PLCB1: variants seen among roughly 807,000 people sequenced by gnomAD.
PLCB1 encodes 1-phosphatidylinositol 4,5-bisphosphate phosphodiesterase beta-1.
Under a neutral mutation model 161.8 loss-of-function variants are expected in PLCB1, and 46 were observed. The observed-to-expected ratio is 0.28, with a 90% CI of 0.22 to 0.36. The LOEUF is 0.36. Ranked by LOEUF, PLCB1 falls within the 10% of genes least tolerant of loss-of-function variation. The probability of loss-of-function intolerance (pLI) is 1.00; values close to 1 mark genes in which losing one functional copy is unlikely to be tolerated. For synonymous variants in PLCB1, 517 were observed against 503.7 expected (o/e 1.03, Z -0.35); for missense variants, 1,016 against 1,472.5 (o/e 0.69, Z 5.07).
intron 2 of PLCB1, among the ~76,000 whole-genome samples, chr20:8,177,409 A>G (rs917878679): frequency 4.6e-5 from 7 of 152,168 alleles, no homozygotes; most frequent in Admixed American, 1.3e-4. Flanking sequence ...CAGTCTAAGT[A>G]CGGCATTTTG....
chr20:8,728,127 T>C (rs1414328171), intron 17 of PLCB1, among the ~76,000 whole-genome samples: 3 of 152,144 alleles, frequency 2.0e-5, no homozygotes, highest in Non-Finnish European at 4.4e-5. Context: ...TTAGTATTCC[T>C]TATTGACTGT....
intron 2 of PLCB1, among the ~76,000 whole-genome samples, chr20:8,214,375 A>G (rs946924178): frequency 6.6e-6 from 1 of 151,976 alleles, no homozygotes; most frequent in Non-Finnish European, 1.5e-5. Flanking sequence ...CTGCCTATTT[A>G]AAAGTGTGGC....
intron 2 of PLCB1, among the ~76,000 whole-genome samples, chr20:8,358,383 G>A (rs868471914): frequency 1.3e-4 from 20 of 152,130 alleles, no homozygotes; most frequent in Admixed American, 7.8e-4. Flanking sequence ...CGAGTAGCTG[G>A]GATTCCAGGC....
At chr20:8,781,646 C>A (rs1342470768) in intron 27 of PLCB1, among the ~76,000 whole-genome samples, 1 of 152,042 alleles carries the variant, frequency 6.6e-6, no homozygotes, top group Admixed American at 6.6e-5. Flanking sequence ...AAAGACATAG[C>A]CAAGACTGGG....
At chr20:8,584,989 C>T (rs1030125714) in intron 3 of PLCB1, among the ~76,000 whole-genome samples, 2 of 152,108 alleles carry the variant, frequency 1.3e-5, no homozygotes, top group South Asian at 2.1e-4. Context: ...ACGCCTGGCC[C>T]TCAAGATTCT....
intron 31 of PLCB1, among the ~76,000 whole-genome samples, chr20:8,828,790 G>A (rs758185978): frequency 2.6e-5 from 4 of 152,166 alleles, no homozygotes; most frequent in Admixed American, 6.5e-5. Flanking sequence ...CCTGATGTAT[G>A]TATAAGTAGT....
intron 27 of PLCB1, among the ~76,000 whole-genome samples, chr20:8,786,144 T>C (rs894896020): frequency 2.0e-5 from 3 of 152,054 alleles, no homozygotes; most frequent in African/African-American, 7.3e-5. Context: ...CCTGGATAAC[T>C]CTCTGTAACT....
rs143215553 is a variant in PLCB1, at chr20:8,570,934, A to G, written c.247-57360A>G. Among the ~76,000 whole-genome samples the G allele has an allele frequency of 5.5e-3, 841 of 152,330 alleles. 1 individual carries two copies. Among genetic ancestry groups the G allele is most frequent in the Admixed American group, 9.3e-3 (142 of 15,294 alleles). ...CTGGAGCACACAGAGAAGAAAGCTC[A>G]TTAGTACAAAAGGGCTTTAAAGTCA... On this transcript the variant is annotated intron_variant, in intron 3 of 31. Coordinates refer to ENST00000338037, the MANE Select transcript of PLCB1 (RefSeq NM_015192.4).
intron 2 of PLCB1, among the ~76,000 whole-genome samples, chr20:8,282,670 A>G (rs1299916685): frequency 6.6e-6 from 1 of 152,196 alleles, no homozygotes; most frequent in Non-Finnish European, 1.5e-5. Flanking sequence ...ATGCAAAGCA[A>G]GGGAAAATAA....
intron 31 of PLCB1, among the ~76,000 whole-genome samples, chr20:8,840,812 T>G (rs1172987969): frequency 5.3e-5 from 8 of 152,032 alleles, no homozygotes; most frequent in Admixed American, 5.2e-4. Flanking sequence ...GAAATCAGCT[T>G]TTCTTTTATA....
intron 2 of PLCB1, among the ~76,000 whole-genome samples, chr20:8,322,693 A>G (rs1043614606): frequency 6.6e-6 from 1 of 152,202 alleles, no homozygotes; most frequent in Non-Finnish European, 1.5e-5. Context: ...ATCCAAATCT[A>G]CAGAAAGCAT....
At chr20:8,842,891 C>T (rs2146292202) in intron 31 of PLCB1, among the ~76,000 whole-genome samples, 1 of 152,266 alleles carries the variant, frequency 6.6e-6, no homozygotes, top group Middle Eastern at 3.4e-3. Context: ...CTGTGGATTC[C>T]GTTTCTGCCT....
chr20:8,552,041 T>G (rs1198460236), intron 3 of PLCB1, among the ~76,000 whole-genome samples: 2 of 152,152 alleles, frequency 1.3e-5, no homozygotes, highest in African/African-American at 4.8e-5. Flanking sequence ...TTGAGTGCTT[T>G]TATGCTTGTT....
chr20:8,365,536 A>T (rs1357175873), intron 2 of PLCB1, among the ~76,000 whole-genome samples: 1 of 152,140 alleles, frequency 6.6e-6, no homozygotes, highest in African/African-American at 2.4e-5. Context: ...CATTGCACAG[A>T]TTTTTCACCC....
At chr20:8,680,765 ACACT>A (rs1288595120) in intron 9 of PLCB1, among the ~76,000 whole-genome samples, 6 of 152,110 alleles carry the variant, frequency 3.9e-5, no homozygotes, top group Admixed American at 3.9e-4. Flanking sequence ...AATTATCCTC[ACACT>A]CACTCACCAA....
chr20:8,714,523 T>C (rs2123462442), intron 12 of PLCB1, among the ~76,000 whole-genome samples: 1 of 152,310 alleles, frequency 6.6e-6, no homozygotes, highest in Admixed American at 6.5e-5. Context: ...CCCAAAGGTC[T>C]CATAGACACA....
intron 31 of PLCB1, among the ~76,000 whole-genome samples, chr20:8,852,084 A>C (rs1277663805): frequency 1.3e-5 from 2 of 152,354 alleles, no homozygotes; most frequent in East Asian, 3.9e-4. Flanking sequence ...GTTTATATAA[A>C]GTTGCAAAAT....
intron 2 of PLCB1, among the ~76,000 whole-genome samples, chr20:8,253,187 G>A (rs1253870476): frequency 2.1e-5 from 3 of 145,686 alleles, no homozygotes; most frequent in African/African-American, 7.5e-5. Context: ...CTGGAATTCA[G>A]AGGTATTGAC....
intron 3 of PLCB1, among the ~76,000 whole-genome samples, chr20:8,592,941 G>A (rs952079800): frequency 2.0e-5 from 3 of 152,074 alleles, no homozygotes; most frequent in Admixed American, 6.6e-5. Context: ...ATGAGATTCC[G>A]GAAACCCAGG....
Sources: allele counts gnomAD v4.1 joint callset (sites outside exome capture counted in the v4.1 genomes callset), GRCh38; gene constraint gnomAD v4.1.1; transcripts MANE v1.5; gene names NCBI Gene and HGNC (gene_info 2026-07-23, HGNC 2026-07-21).